Variants in DAGLA observed in about 807,000 individuals in gnomAD.
DAGLA encodes diacylglycerol lipase alpha, also known as diacylglycerol lipase-alpha.
Under a neutral mutation model 102.6 loss-of-function variants are expected in DAGLA, and 22 were observed. The observed-to-expected ratio is 0.21, with a 90% CI of 0.15 to 0.31. The LOEUF is 0.31. Ranked by LOEUF, DAGLA falls within the 10% of genes least tolerant of loss-of-function variation. The probability of loss-of-function intolerance (pLI) is 1.00; values close to 1 mark genes in which losing one functional copy is unlikely to be tolerated. For synonymous variants in DAGLA, 578 were observed against 628.9 expected, an observed-to-expected ratio of 0.92 and a Z score of 1.21; for missense variants, 927 against 1,446.6, an observed-to-expected ratio of 0.64 and a Z score of 5.83.
chr11:61,708,629 C>T (rs1454642297), intron 1 of DAGLA, among the ~76,000 whole-genome samples: 3 of 152,054 alleles, frequency 2.0e-5, no homozygotes, highest in Admixed American at 6.6e-5. Flanking sequence ...GTGATCCACC[C>T]GCCTCGGCCT....
intron 1 of DAGLA, among the ~76,000 whole-genome samples, chr11:61,716,158 CA>C (rs2065234356): frequency 6.6e-6 from 1 of 152,086 alleles, no homozygotes; most frequent in African/African-American, 2.4e-5. Context: ...CTGCAGCTGG[CA>C]CCCAGAGGTG....
chr11:61,728,031 TC>T (rs1184635857), intron 6 of DAGLA, 121 bp from the exon 7 acceptor site: 7 of 1,171,252 alleles, frequency 6.0e-6, no homozygotes, highest in Non-Finnish European at 8.7e-6. Flanking sequence ...GGAGAACCTG[TC>T]CAGGGGACCC....
At chr11:61,694,842 C>T (rs2065051401) in intron 1 of DAGLA, among the ~76,000 whole-genome samples, 1 of 152,226 alleles carries the variant, frequency 6.6e-6, no homozygotes, top group African/African-American at 2.4e-5. Flanking sequence ...GCTCGCATTA[C>T]CCACTTCCCT....
chr11:61,722,929 C>T lies in DAGLA; in HGVS notation c.378C>T (p.Cys126=). The stretch of plus-strand genomic sequence containing the variant: ...GGCTCACTCAGTACTACACCTCCTG[C>T]AACGACCTCACTGCCAAGAATGTCA... ...IVWLTQYYTS[C]NDLTAKNVTL... Residue 126 remains cysteine, a synonymous_variant, in exon 4 of 20, where the codon TGC becomes TGT. Transcript: ENST00000257215. 1 of 1,614,106 alleles carries T rather than the reference C, an allele frequency of 6.2e-7. No homozygotes were observed. Among genetic ancestry groups the T allele is most frequent in the Non-Finnish European group, 8.5e-7 (1 of 1,179,950 alleles).
chr11:61,725,074 A>G (rs2135586848), intron 5 of DAGLA, among the ~76,000 whole-genome samples: 1 of 152,274 alleles, frequency 6.6e-6, no homozygotes, highest in African/African-American at 2.4e-5. Flanking sequence ...AGTGCCTTGA[A>G]TGCATATGAG....
At chr11:61,741,604 ACT>A (rs2065480441) in intron 19 of DAGLA, among the ~76,000 whole-genome samples, 1 of 121,664 alleles carries the variant, frequency 8.2e-6, no homozygotes, top group Admixed American at 8.4e-5. Flanking sequence ...GCACAGATTC[ACT>A]CTTTTTTTTT....
rs34809676 is a variant in DAGLA at position 61,682,851 on chromosome 11, CG to C, written c.-45+2356del. ...AGGTTGAGGCTGGATGGCAGGGGGA[CG>C]GGGGGGGGAGGTGTGGAGGATGCCC... On this transcript the variant is annotated intron_variant, in intron 1 of 19. Transcript: ENST00000257215. Among the ~76,000 whole-genome samples, 355 of 96,552 alleles carry C rather than the reference CG, an allele frequency of 3.7e-3. 7 individuals are homozygous for C. The South Asian group carries it at 0.045, about 12-fold the overall frequency. The allele number at this position is 96,552 out of a possible 152,430, so 63.3% of individuals were successfully genotyped here.
At chr11:61,702,771 C>T (rs2065119117) in intron 1 of DAGLA, among the ~76,000 whole-genome samples, 1 of 152,206 alleles carries the variant, frequency 6.6e-6, no homozygotes, top group South Asian at 2.1e-4. Context: ...TCACACGGCC[C>T]CAGATGCATA....
chr11:61,702,778 C>T (rs1261193327), intron 1 of DAGLA, among the ~76,000 whole-genome samples: 1 of 152,200 alleles, frequency 6.6e-6, no homozygotes, highest in African/African-American at 2.4e-5. Flanking sequence ...GCCCCAGATG[C>T]ATAGGGAGGT....
intron 9 of DAGLA, among the ~76,000 whole-genome samples, chr11:61,733,545 T>C (rs998446967): frequency 6.6e-6 from 1 of 152,234 alleles, no homozygotes; most frequent in East Asian, 1.9e-4. Context: ...CCGTGACAGC[T>C]GGCAGGCCCA....
chr11:61,694,073 G>A (rs1411161996), intron 1 of DAGLA, among the ~76,000 whole-genome samples: 1 of 152,258 alleles, frequency 6.6e-6, no homozygotes, highest in East Asian at 1.9e-4. Context: ...GAATGAGGCT[G>A]GGAAGGCAGC....
At chr11:61,711,776 G>A (rs1311922139) in intron 1 of DAGLA, among the ~76,000 whole-genome samples, 1 of 152,188 alleles carries the variant, frequency 6.6e-6, no homozygotes, top group South Asian at 2.1e-4. Flanking sequence ...TGGAGCCCTG[G>A]TGAAGCCTTC....
chr11:61,735,044 A>T (rs776539090), intron 10 of DAGLA, 42 bp downstream of exon 10: 2 of 1,601,022 alleles, frequency 1.2e-6, no homozygotes, highest in Non-Finnish European at 1.7e-6. Context: ...AGGAGCAGGC[A>T]GCTGAGGGCC....
rs1211342830 is a variant in DAGLA at position 61,745,377 on chromosome 11, C to T, written c.*888C>T. ...CCCCCTTCCTCTGAGGGCCCCACCT[C>T]ACCCCTTGGTGTCACCCCCACCACG... On this transcript the variant is annotated 3_prime_UTR_variant, in exon 20 of 20. Transcript: ENST00000257215. The T allele has an allele frequency of 6.5e-6, 1 of 152,684 alleles. No homozygotes were observed. The allele number at this position is 152,684 out of a possible 1,614,324, so 9.5% of individuals were successfully genotyped here. A position where few individuals can be genotyped will look rare whatever the true frequency, so the allele number is the denominator to read the frequency against.
At chr11:61,725,964 CCT>C (rs1464525376) in intron 5 of DAGLA, 29 bp from the exon 6 acceptor site, 15 of 1,601,018 alleles carry the variant, frequency 9.4e-6, no homozygotes, top group Non-Finnish European at 1.3e-5. Context: ...AGCCCTCTGA[CCT>C]CACACATACC....
At chr11:61,689,382 C>A (rs1259301518) in intron 1 of DAGLA, among the ~76,000 whole-genome samples, 1 of 152,228 alleles carries the variant, frequency 6.6e-6, no homozygotes, top group Non-Finnish European at 1.5e-5. Context: ...TTCATTCTCT[C>A]TCCCTCTTTA....
At chr11:61,726,138 G>A (rs2065324626) in intron 6 of DAGLA, 56 bp downstream of exon 6, 6 of 1,541,414 alleles carry the variant, frequency 3.9e-6, no homozygotes, top group South Asian at 1.1e-5. Flanking sequence ...AGGTGATTAA[G>A]GGGCTGTTGG....
At chr11:61,727,666 G>A (rs1455371091) in intron 6 of DAGLA, among the ~76,000 whole-genome samples, 1 of 152,226 alleles carries the variant, frequency 6.6e-6, no homozygotes, top group African/African-American at 2.4e-5. Flanking sequence ...CAGCCTGTGG[G>A]TAGCTGGGGG....
chr11:61,683,718 C>A (rs2064963346), intron 1 of DAGLA, among the ~76,000 whole-genome samples: 1 of 152,084 alleles, frequency 6.6e-6, no homozygotes, highest in Non-Finnish European at 1.5e-5. Flanking sequence ...AGGAGTTGGC[C>A]TCTGTTCCCC....
Sources: gnomAD v4.1 joint callset for allele counts (sites outside exome capture counted in the v4.1 genomes callset) on GRCh38, gnomAD v4.1.1 for gene constraint, MANE v1.5 for transcripts, NCBI Gene and HGNC (gene_info 2026-07-23, HGNC 2026-07-21) for gene names.